HYDIN: variants seen among roughly 807,000 people sequenced by gnomAD.
The protein encoded by HYDIN is axonemal central pair apparatus protein HYDIN.
HYDIN carries 132 observed loss-of-function variants against 403.9 expected under a neutral mutation model. That is an observed-to-expected ratio of 0.33 (90% CI 0.28 to 0.38). The LOEUF (loss-of-function observed/expected upper bound fraction) is 0.38. Ranked by LOEUF, HYDIN falls within the 10% of genes least tolerant of loss-of-function variation. HYDIN has a pLI of 1.00. For synonymous variants in HYDIN, 1,202 were observed against 1,891.7 expected (o/e 0.64, Z 9.46); for missense variants, 2,827 against 5,009.5 (o/e 0.56, Z 13.15).
intron 7 of HYDIN, among the ~76,000 whole-genome samples, chr16:71,150,160 T>TA (rs907311652): frequency 9.2e-5 from 14 of 151,670 alleles, no homozygotes; most frequent in Non-Finnish European, 1.0e-4. Flanking sequence ...ATACAAAATA[T>TA]AAAAAAACCA....
intron 67 of HYDIN, among the ~76,000 whole-genome samples, chr16:70,864,147 A>G (rs2039582340): frequency 6.6e-6 from 1 of 151,808 alleles, no homozygotes; most frequent in Admixed American, 6.6e-5. Flanking sequence ...CTTGGCCAAC[A>G]TAGTGAAACC....
chr16:71,118,575 C>T (rs1301317108), intron 9 of HYDIN, among the ~76,000 whole-genome samples: 1 of 152,166 alleles, frequency 6.6e-6, no homozygotes, highest in African/African-American at 2.4e-5. Flanking sequence ...TCAAAAGTCA[C>T]ACAACTGTAG....
intron 10 of HYDIN, among the ~76,000 whole-genome samples, chr16:71,115,411 A>G (rs2144464638): frequency 6.6e-6 from 1 of 152,166 alleles, no homozygotes; most frequent in South Asian, 2.1e-4. Context: ...CAATTACCCA[A>G]TCTCGGGCAG....
rs373462502 is a variant in HYDIN, at chr16:70,929,151, G to A, written c.7158+6801C>T. 1.7e-4 allele frequency among the ~76,000 whole-genome samples: 24 copies of A among 143,670 alleles called. No homozygotes were observed. The East Asian group carries it at 2.5e-3, about 15-fold the overall frequency. 94.3% of individuals were successfully genotyped at this position (143,670 alleles called of 152,430 possible). ...CTAAAAATACAAAAATTAGCTGGGC[G>A]TGGTGGTGCATGCCTGTAATCCCAG... On this transcript the variant is annotated intron_variant, in intron 45 of 85. Transcript: ENST00000393567.
chr16:70,987,191 A>G (rs1193137092), intron 27 of HYDIN, among the ~76,000 whole-genome samples: 2 of 150,418 alleles, frequency 1.3e-5, no homozygotes, highest in African/African-American at 4.8e-5. Context: ...AAGGTCATGC[A>G]GTCGGGAGGA....
intron 18 of HYDIN, among the ~76,000 whole-genome samples, chr16:71,056,127 GTTTTTTTTTTT>G: frequency 9.4e-6 from 1 of 106,252 alleles, no homozygotes; most frequent in East Asian, 3.1e-4. Context: ...TCTGAGATTT[GTTTTTTTTTTT>G]TTTTTTTTTT....
chr16:71,146,192 A>C (rs1238710590), intron 7 of HYDIN, among the ~76,000 whole-genome samples: 1 of 152,152 alleles, frequency 6.6e-6, no homozygotes, highest in Non-Finnish European at 1.5e-5. Context: ...TTTTAACAAG[A>C]GTAAAAGGGT....
chr16:70,811,451 A>G (rs1379257204), intron 84 of HYDIN: 1 of 153,098 alleles, frequency 6.5e-6, no homozygotes, highest in East Asian at 1.9e-4. Context: ...AAAGTTTTTT[A>G]AAAAAGAAAA....
At chr16:71,093,012 T>C (rs1028835941) in intron 11 of HYDIN, among the ~76,000 whole-genome samples, 1 of 126,506 alleles carries the variant, frequency 7.9e-6, no homozygotes, top group Non-Finnish European at 1.6e-5. Flanking sequence ...TTTCACAATT[T>C]GGTAAGGATT....
chr16:70,955,632 C>T, intron 39 of HYDIN, 84 bp from the exon 40 acceptor site: 1 of 604,766 alleles, frequency 1.7e-6, no homozygotes, highest in Non-Finnish European at 2.9e-6. Context: ...AGCAGAGGTC[C>T]CTGCAAAGTG....
intron 39 of HYDIN, 87 bp from the exon 40 acceptor site, chr16:70,955,635 G>A (rs2078210733): frequency 1.0e-5 from 6 of 598,934 alleles, no homozygotes; most frequent in Non-Finnish European, 5.9e-6. Flanking sequence ...AGAGGTCCCT[G>A]CAAAGTGATC....
At chr16:70,840,982 T>C (rs1203140115) in intron 75 of HYDIN, among the ~76,000 whole-genome samples, 1 of 152,198 alleles carries the variant, frequency 6.6e-6, no homozygotes, top group Non-Finnish European at 1.5e-5. Context: ...TCAAATAAAT[T>C]ATCTATTATT....
chr16:70,850,700 G>A, intron 73 of HYDIN, 45 bp from the exon 74 acceptor site: 2 of 1,314,282 alleles, frequency 1.5e-6, no homozygotes, highest in Non-Finnish European at 2.1e-6. Context: ...AGGCCAACTT[G>A]TCAAAACCTT....
intron 4 of HYDIN, among the ~76,000 whole-genome samples, chr16:71,176,243 T>C (rs1157120372): frequency 6.7e-6 from 1 of 148,934 alleles, no homozygotes; most frequent in Non-Finnish European, 1.5e-5. Flanking sequence ...AGGCAGAGGT[T>C]CCAGTGAGCC....
At chr16:71,007,115 C>T (rs2079913595) in intron 23 of HYDIN, among the ~76,000 whole-genome samples, 1 of 148,782 alleles carries the variant, frequency 6.7e-6, no homozygotes, top group Non-Finnish European at 1.5e-5. Flanking sequence ...TTATTTACTT[C>T]ACTGTGCTGC....
intron 4 of HYDIN, chr16:71,175,984 T>C: frequency 2.0e-6 from 1 of 502,264 alleles, no homozygotes; most frequent in Non-Finnish European, 3.6e-6. Context: ...TTATTACAAG[T>C]CTTTGTTCAT....
Position 70,908,816 on chromosome 16 carries a change from T to C in HYDIN, c.8050A>G (p.Met2684Val), listed in dbSNP as rs770068909. Reference sequence around the variant, plus strand: ...AAGACTTGGTCTATCTTTTCTTTCATTTTCTGTTTGCCCCCCTTAGATGAG... The same window carrying C: ...AAGACTTGGTCTATCTTTTCTTTCACTTTCTGTTTGCCCCCCTTAGATGAG... ...TSSSKGGKQK[M>V]KEKIDQVFEI... The change falls in exon 48 of 86, where the codon ATG becomes GTG. Residue 2684 changes from methionine (M) to valine (V), a missense_variant. By Grantham distance (21) the Met-to-Val change is conservative (BLOSUM62 1). Transcript: ENST00000393567. 2 of 1,614,240 alleles carry C rather than the reference T, an allele frequency of 1.2e-6. No individual in the cohort carries two copies. Among genetic ancestry groups the C allele is most frequent in the Non-Finnish European group, 1.7e-6 (2 of 1,180,050 alleles).
chr16:70,950,924 G>A (rs112773597), intron 41 of HYDIN, among the ~76,000 whole-genome samples: 54 of 152,202 alleles, frequency 3.5e-4, no homozygotes, highest in Non-Finnish European at 5.0e-4. Flanking sequence ...AATGGGAGCC[G>A]CCAGGTCCAC....
chr16:70,853,704 A>T (rs1490424454), intron 73 of HYDIN, among the ~76,000 whole-genome samples: 15 of 140,548 alleles, frequency 1.1e-4, no homozygotes, highest in Non-Finnish European at 2.1e-4. Flanking sequence ...GCTTGGGGGA[A>T]GGGAAAGGGT....
Sources: allele counts gnomAD v4.1 joint callset (sites outside exome capture counted in the v4.1 genomes callset), GRCh38; gene constraint gnomAD v4.1.1; transcripts MANE v1.5; gene names NCBI Gene and HGNC (gene_info 2026-07-23, HGNC 2026-07-21).